PPP3CA: variants seen among roughly 807,000 people sequenced by gnomAD.
The protein encoded by PPP3CA is protein phosphatase 3 catalytic subunit alpha, also known as CAM-PRP catalytic subunit.
In PPP3CA, 14 loss-of-function variants were observed where a neutral mutation model predicts 66.5. The ratio of observed to expected loss-of-function variants is 0.21; its 90% confidence interval spans 0.14 to 0.33. The LOEUF (loss-of-function observed/expected upper bound fraction) is 0.33, where lower values mean the gene tolerates loss of function less well. PPP3CA is among the 10% of genes least tolerant of loss of function. The pLI is 1.00. For synonymous variants in PPP3CA, 232 were observed against 226.2 expected (o/e 1.03, Z -0.23); for missense variants, 317 against 639.5 (o/e 0.50, Z 5.44).
intron 10 of PPP3CA, among the ~76,000 whole-genome samples, chr4:101,046,425 T>C (rs994194928): frequency 1.3e-5 from 2 of 152,254 alleles, no homozygotes; most frequent in Middle Eastern, 3.4e-3. Context: ...ATGAGCTTTT[T>C]GTTATCATTT....
At position 101,282,820 on chromosome 4, in the gene PPP3CA, C is replaced by T. The variant is rs1039863424; in HGVS notation, c.58+63919G>A. Among the ~76,000 whole-genome samples the T allele has an allele frequency of 3.3e-5, 5 of 152,306 alleles. No homozygotes were observed. In the East Asian group the frequency reaches 5.8e-4, roughly 18 times the overall value. ...AGAGGAGGAAAACCTGTTTCCGGGGCAGTCCCCAACATATTTAGCATGGAC... is the reference window on the plus strand; with the variant it reads ...AGAGGAGGAAAACCTGTTTCCGGGGTAGTCCCCAACATATTTAGCATGGAC... On this transcript the variant is annotated intron_variant, in intron 1 of 13. Transcript: ENST00000394854.
intron 1 of PPP3CA, among the ~76,000 whole-genome samples, chr4:101,238,277 TATA>T (rs1726189212): frequency 6.6e-6 from 1 of 152,090 alleles, no homozygotes; most frequent in Non-Finnish European, 1.5e-5. Flanking sequence ...TCGAACAAAA[TATA>T]ATTATTATCT....
chr4:101,153,826 T>G (rs1490828361), intron 2 of PPP3CA, among the ~76,000 whole-genome samples: 3 of 152,194 alleles, frequency 2.0e-5, no homozygotes, highest in Non-Finnish European at 4.4e-5. Flanking sequence ...AGAACCACTG[T>G]GTGCTCAGGC....
At chr4:101,043,729 G>T (rs1192512733) in intron 10 of PPP3CA, among the ~76,000 whole-genome samples, 2 of 152,082 alleles carry the variant, frequency 1.3e-5, no homozygotes, top group African/African-American at 4.8e-5. Context: ...AAAAAAATTA[G>T]CTGGGTGTGG....
chr4:101,089,621 A>C (rs1729821546), intron 6 of PPP3CA, among the ~76,000 whole-genome samples: 1 of 152,196 alleles, frequency 6.6e-6, no homozygotes, highest in Admixed American at 6.5e-5. Context: ...CAGATTGATA[A>C]CCTAAACACC....
intron 1 of PPP3CA, among the ~76,000 whole-genome samples, chr4:101,336,938 G>A (rs1279660709): frequency 6.6e-6 from 1 of 152,156 alleles, no homozygotes; most frequent in Non-Finnish European, 1.5e-5. Context: ...ATTCAGGCAT[G>A]AGCAAGTGTA....
chr4:101,250,825 T>G (rs1236045565), intron 1 of PPP3CA, among the ~76,000 whole-genome samples: 1 of 152,068 alleles, frequency 6.6e-6, no homozygotes, highest in African/African-American at 2.4e-5. Flanking sequence ...TTGATAAATA[T>G]AATAGATTGC....
rs11316297 is a variant in PPP3CA at position 101,324,693 on chromosome 4, CAA to C, written c.58+22044_58+22045del. ...TCACTTGAAGGAAAGAATGGAACAACAAAAAAAAAAAAGACAATAAACTTTGG... is the reference window on the plus strand; with the variant it reads ...TCACTTGAAGGAAAGAATGGAACAACAAAAAAAAAAGACAATAAACTTTGG... On this transcript the variant is annotated intron_variant, in intron 1 of 13. Coordinates refer to ENST00000394854, the MANE Select transcript of PPP3CA (RefSeq NM_000944.5). Among the ~76,000 whole-genome samples the C allele has an allele frequency of 1.6e-4, 23 of 140,142 alleles. 1 individual carries two copies. The highest frequency in any genetic ancestry group is 5.8e-4 in the African/African-American group (23 of 39,752). 91.9% of individuals were successfully genotyped at this position (140,142 alleles called of 152,430 possible).
chr4:101,095,585 T>C (rs1364755200), intron 5 of PPP3CA, among the ~76,000 whole-genome samples: 2 of 152,172 alleles, frequency 1.3e-5, no homozygotes, highest in African/African-American at 2.4e-5. Context: ...TAATTTACGA[T>C]GTGAAGTTTA....
At chr4:101,116,670 A>C (rs1202422707) in intron 2 of PPP3CA, among the ~76,000 whole-genome samples, 1 of 151,916 alleles carries the variant, frequency 6.6e-6, no homozygotes, top group Non-Finnish European at 1.5e-5. Context: ...TAAAGGGGAC[A>C]CTGCAGTTTA....
At chr4:101,148,824 T>A (rs1256398174) in intron 2 of PPP3CA, among the ~76,000 whole-genome samples, 1 of 152,140 alleles carries the variant, frequency 6.6e-6, no homozygotes, top group Non-Finnish European at 1.5e-5. Flanking sequence ...ACACCTTTTG[T>A]ATGTTTGTTA....
intron 1 of PPP3CA, among the ~76,000 whole-genome samples, chr4:101,333,954 G>GCAGTGGGCACTAAA (rs1729540702): frequency 6.6e-6 from 1 of 152,162 alleles, no homozygotes; most frequent in Non-Finnish European, 1.5e-5. Flanking sequence ...ACACAGTGCA[G>GCAGTGGGCACTAAA]AGCCACACAC....
At chr4:101,312,368 CTT>C (rs1213657695) in intron 1 of PPP3CA, among the ~76,000 whole-genome samples, 3 of 151,798 alleles carry the variant, frequency 2.0e-5, no homozygotes, top group African/African-American at 4.8e-5. Flanking sequence ...TAAATTATAA[CTT>C]AAATTATGTA....
chr4:101,128,771 G>A (rs542723509), intron 2 of PPP3CA, among the ~76,000 whole-genome samples: 11 of 152,030 alleles, frequency 7.2e-5, no homozygotes, highest in Admixed American at 3.9e-4. Context: ...AGATTCCCTC[G>A]GGTGGCTACA....
chr4:101,027,262 GAAA>G (rs79492334), intron 13 of PPP3CA, among the ~76,000 whole-genome samples: 78 of 139,624 alleles, frequency 5.6e-4, no homozygotes, highest in African/African-American at 8.1e-4. Flanking sequence ...ATTTGGGGGG[GAAA>G]AAAAAAAAAA....
At chr4:101,061,265 T>G (rs1341258713) in intron 9 of PPP3CA, 104 bp from the exon 10 acceptor site, 1 of 960,182 alleles carries the variant, frequency 1.0e-6, no homozygotes, top group Non-Finnish European at 1.6e-6. Context: ...CATTTCTTAT[T>G]TAGTTTGTAT....
In PPP3CA at chr4:101,347,036, T is replaced by C; in HGVS notation, c.-240A>G. On this transcript the variant is annotated 5_prime_UTR_variant, in exon 1 of 14. Coordinates refer to ENST00000394854, the MANE Select transcript of PPP3CA (RefSeq NM_000944.5). ...GCTGCCGCCAGCCCCGCCGACTCGCTCCGGGCTGCGCGTGTGTGGTGGTTA... is the reference window on the plus strand; with the variant it reads ...GCTGCCGCCAGCCCCGCCGACTCGCCCCGGGCTGCGCGTGTGTGGTGGTTA... The C allele has an allele frequency of 3.4e-6, 2 of 587,130 alleles. No individual in the cohort carries two copies. The highest frequency in any genetic ancestry group is 4.0e-5 in the South Asian group (2 of 49,890). 36.4% of individuals were successfully genotyped at this position (587,130 alleles called of 1,614,324 possible). A position where few individuals can be genotyped will look rare whatever the true frequency, so the allele number is the denominator to read the frequency against.
chr4:101,089,268 C>T (rs1319715846), intron 6 of PPP3CA, among the ~76,000 whole-genome samples: 1 of 151,900 alleles, frequency 6.6e-6, no homozygotes, highest in African/African-American at 2.4e-5. Flanking sequence ...AAAAAAGAGG[C>T]ATCAGGAAGA....
In PPP3CA at chr4:101,208,539, A is replaced by G. The variant is rs552496759; in HGVS notation, c.59-12423T>C. ...CAGTTCTATATTTCACGATAGTCCT[A>G]AGGAACATCAGGGGATATCCGTGAT... On this transcript the variant is annotated intron_variant, in intron 1 of 13. Coordinates refer to ENST00000394854, the MANE Select transcript of PPP3CA (RefSeq NM_000944.5). Among the ~76,000 whole-genome samples, 3 of 152,314 alleles carry G rather than the reference A, an allele frequency of 2.0e-5. No individual in the cohort carries two copies. In the East Asian group the frequency reaches 5.8e-4, roughly 29 times the overall value.
Sources: gnomAD v4.1 joint callset for allele counts (sites outside exome capture counted in the v4.1 genomes callset) on GRCh38, gnomAD v4.1.1 for gene constraint, MANE v1.5 for transcripts, NCBI Gene and HGNC (gene_info 2026-07-23, HGNC 2026-07-21) for gene names.